ETNPPL: variants seen among roughly 807,000 people sequenced by gnomAD.
ETNPPL encodes alanine--glyoxylate aminotransferase 2-like 1.
ETNPPL carries 30 observed loss-of-function variants against 55.5 expected under a neutral mutation model. The ratio of observed to expected loss-of-function variants is 0.54; its 90% CI spans 0.40 to 0.73. ETNPPL has a LOEUF of 0.73. ETNPPL is among the 30% of genes least tolerant of loss of function. The pLI is 0.00. For synonymous variants in ETNPPL, 202 were observed against 207.2 expected (o/e 0.98, Z 0.21); for missense variants, 528 against 607.9 (o/e 0.87, Z 1.38).
At chr4:108,754,556 G>T in intron 5 of ETNPPL, 64 bp downstream of exon 5, 1 of 893,506 alleles carries the variant, frequency 1.1e-6, no homozygotes, top group Non-Finnish European at 1.8e-6. Context: ...GAAAGCATTG[G>T]CTGGATTATC....
intron 6 of ETNPPL, among the ~76,000 whole-genome samples, chr4:108,752,112 G>GA (rs1270585430): frequency 4.0e-5 from 6 of 151,260 alleles, no homozygotes; most frequent in African/African-American, 7.3e-5. Context: ...ATGGGTTGGG[G>GA]AAAAAAAAGA....
At chr4:108,749,857 G>A (rs1728813239) in intron 7 of ETNPPL, among the ~76,000 whole-genome samples, 2 of 152,044 alleles carry the variant, frequency 1.3e-5, no homozygotes, top group African/African-American at 4.8e-5. Flanking sequence ...ACAAACGTGT[G>A]CCACCATGCC....
At chr4:108,746,741 G>A in intron 10 of ETNPPL, 21 bp downstream of exon 10, 2 of 1,607,440 alleles carry the variant, frequency 1.2e-6, no homozygotes, top group Non-Finnish European at 1.7e-6. Context: ...TACCAAACAG[G>A]TGGGTGTGGG....
At position 108,756,489 on chromosome 4, in the gene ETNPPL, G is replaced by A. The variant is rs781517063; in HGVS notation, c.339C>T (p.Ser113=). The A allele has an allele frequency of 1.1e-5, 17 of 1,612,294 alleles. No homozygotes were observed. Among genetic ancestry groups the A allele is most frequent in the Middle Eastern group, 1.6e-4 (1 of 6,080 alleles). Residue 113 remains serine (S), a synonymous_variant, in exon 4 of 13, where the codon TCC becomes TCT. Coordinates refer to ENST00000296486, the MANE Select transcript of ETNPPL (RefSeq NM_031279.4). ...LSVCYFTNSG[S]EANDLALRLA... is the part of the protein sequence containing the mutation. The stretch of plus-strand genomic sequence containing the variant: ...GGCGTAAGGCTAAGTCGTTGGCTTC[G>A]GATCTATTAAGATAACATAGAGAGA...
intron 8 of ETNPPL, among the ~76,000 whole-genome samples, chr4:108,748,371 C>A (rs1474695779): frequency 6.6e-6 from 1 of 152,126 alleles, no homozygotes; most frequent in East Asian, 1.9e-4. Context: ...ATTATCCAAG[C>A]TGCATAACTG....
At chr4:108,745,587 C>G (rs1578374887) in intron 11 of ETNPPL, among the ~76,000 whole-genome samples, 1 of 151,710 alleles carries the variant, frequency 6.6e-6, no homozygotes, top group Admixed American at 6.6e-5. Flanking sequence ...CAGCAAGACT[C>G]TGTCTCAGAA....
At chr4:108,744,310 G>T (rs1728360093) in intron 11 of ETNPPL, among the ~76,000 whole-genome samples, 1 of 151,916 alleles carries the variant, frequency 6.6e-6, no homozygotes, top group Non-Finnish European at 1.5e-5. Flanking sequence ...AGATTCTTTT[G>T]TAGTATTTTA....
chr4:108,749,507 TCC>T, intron 7 of ETNPPL, 44 bp from the exon 8 acceptor site: 1 of 1,413,058 alleles, frequency 7.1e-7, no homozygotes, highest in South Asian at 1.2e-5. Flanking sequence ...GTCACTGAGA[TCC>T]CCAAACCCAC....
At chr4:108,748,218 C>T in intron 8 of ETNPPL, 59 bp from the exon 9 acceptor site, 1 of 1,364,098 alleles carries the variant, frequency 7.3e-7, no homozygotes, top group Non-Finnish European at 9.9e-7. Flanking sequence ...GGTATTCCCT[C>T]ATCCATGAGA....
rs1370776251 is a variant in ETNPPL at position 108,747,162 on chromosome 4, TATTA to T, written c.1083-315_1083-312del. ...TATATATATATAATATATATATATA[TATTA>T]TATATATATATATAATATATATATA... On this transcript the variant is annotated intron_variant, in intron 9 of 12. Transcript: ENST00000296486. Among the ~76,000 whole-genome samples the T allele has an allele frequency of 7.4e-3, 135 of 18,208 alleles. 20 individuals are homozygous for T. The highest frequency in any genetic ancestry group is 0.022 in the African/African-American group (89 of 3,968). 11.9% of individuals were successfully genotyped at this position (18,208 alleles called of 152,430 possible).
chr4:108,749,064 T>A (rs2004609), intron 8 of ETNPPL, among the ~76,000 whole-genome samples, 174 bp downstream of exon 8: 13,713 of 151,676 alleles, frequency 0.09, 1,079 homozygotes, highest in East Asian at 0.48. Context: ...AAGTATAATT[T>A]TATATATATA....
Position 108,747,939 on chromosome 4 carries a change from A to G in ETNPPL, c.1082+66T>C, listed in dbSNP as rs909295016. 8.7e-6 allele frequency: 12 copies of G among 1,380,548 alleles called. No individual in the cohort carries two copies. The African/African-American group carries it at 1.6e-4, about 19-fold the overall frequency. The allele number at this position is 1,380,548 out of a possible 1,614,324, so 85.5% of individuals were successfully genotyped here. A position where few individuals can be genotyped will look rare whatever the true frequency, so the allele number is the denominator to read the frequency against. ...GAGACGGGGTCTCACCATGTTGCCC[A>G]GCCTATAAACTATTATTATTTTGAA... is the stretch of plus-strand genomic sequence containing the variant. On this transcript the variant is annotated intron_variant, in intron 9 of 12. Coordinates refer to ENST00000296486, the MANE Select transcript of ETNPPL (RefSeq NM_031279.4).
At chr4:108,760,876 C>T (rs1729481502) in intron 1 of ETNPPL, among the ~76,000 whole-genome samples, 1 of 152,160 alleles carries the variant, frequency 6.6e-6, no homozygotes, top group Admixed American at 6.6e-5. Flanking sequence ...CCAAGGTAGA[C>T]ATCTCTGTTT....
At chr4:108,757,751 C>T (rs1031173962) in intron 3 of ETNPPL, among the ~76,000 whole-genome samples, 9 of 151,972 alleles carry the variant, frequency 5.9e-5, no homozygotes, top group African/African-American at 2.2e-4. Context: ...CCAGTCTGGG[C>T]AACATGGTGA....
At chr4:108,758,779 A>G (rs913889702) in intron 3 of ETNPPL, among the ~76,000 whole-genome samples, 19 of 152,310 alleles carry the variant, frequency 1.2e-4, no homozygotes, top group Non-Finnish European at 2.5e-4. Context: ...CTGGCTGGGC[A>G]CGGTTGCTCA....
chr4:108,745,531 T>C (rs1417409675), intron 11 of ETNPPL, among the ~76,000 whole-genome samples: 1 of 150,236 alleles, frequency 6.7e-6, no homozygotes, highest in Non-Finnish European at 1.5e-5. Flanking sequence ...GAGGCGGAGG[T>C]TGCAGTGAGC....
At chr4:108,750,742 T>A (rs1236714658) in intron 7 of ETNPPL, among the ~76,000 whole-genome samples, 194 bp downstream of exon 7, 1 of 151,494 alleles carries the variant, frequency 6.6e-6, no homozygotes, top group Non-Finnish European at 1.5e-5. Flanking sequence ...TGTTGGACCA[T>A]GTGTAAACCT....
intron 3 of ETNPPL, among the ~76,000 whole-genome samples, chr4:108,758,542 G>A (rs531460408): frequency 3.3e-5 from 5 of 152,206 alleles, no homozygotes; most frequent in South Asian, 2.1e-4. Context: ...TTGAGTTCAG[G>A]AGTTCAAGAG....
At chr4:108,762,495 T>C in intron 1 of ETNPPL, 1 of 665,758 alleles carries the variant, frequency 1.5e-6, no homozygotes, top group Non-Finnish European at 2.8e-6. Context: ...GGCGGAGCGC[T>C]ATCCTTCTTC....
Sources: allele counts gnomAD v4.1 joint callset (sites outside exome capture counted in the v4.1 genomes callset), GRCh38; gene constraint gnomAD v4.1.1; transcripts MANE v1.5; gene names NCBI Gene and HGNC (gene_info 2026-07-23, HGNC 2026-07-21).